Variants in LRP6 observed in about 807,000 individuals in gnomAD.
The protein encoded by LRP6 is low-density lipoprotein receptor-related protein 6.
In LRP6, 43 loss-of-function variants were observed where a neutral mutation model predicts 184.1. That is an observed-to-expected ratio of 0.23 (90% CI 0.18 to 0.30). The LOEUF (loss-of-function observed/expected upper bound fraction) is 0.30. Among genes scored for constraint, LRP6 ranks in the 10% least tolerant of loss-of-function variants. LRP6 has a pLI of 1.00. For missense variants in LRP6, 1,571 were observed against 2,005.3 expected (o/e 0.78, Z 4.14); for synonymous variants, 719 against 684.9 (o/e 1.05, Z -0.78).
intron 15 of LRP6, among the ~76,000 whole-genome samples, chr12:12,143,873 A>C (rs931097822): frequency 1.3e-5 from 2 of 152,216 alleles, no homozygotes; most frequent in Non-Finnish European, 2.9e-5. Flanking sequence ...AGTTTTTTTA[A>C]CATGGATATA....
In LRP6 at chr12:12,131,859, G is replaced by A. The variant is rs1395932062; in HGVS notation, c.3932C>T (p.Ala1311Val). 3.1e-6 allele frequency: 5 copies of A among 1,614,168 alleles called. No individual in the cohort carries two copies. Among genetic ancestry groups the A allele is most frequent in the Non-Finnish European group, 4.2e-6 (5 of 1,180,014 alleles). ...CTCATCTGATTTGTCCTGGCAGTTT[G>A]CATCTCCATTGCATCGGAGGGCACC... ...IDGALRCNGD[A>V]NCQDKSDEKN... The change falls in exon 18 of 23, where the codon GCA (alanine) becomes GTA (valine). Residue 1311 changes from alanine to valine, a missense_variant. Transcript: ENST00000261349.
At chr12:12,184,687 T>C (rs1863426993) in intron 4 of LRP6, among the ~76,000 whole-genome samples, 1 of 151,990 alleles carries the variant, frequency 6.6e-6, no homozygotes, top group Non-Finnish European at 1.5e-5. Context: ...TAAAGCTGAA[T>C]GAATACAAAG....
At chr12:12,242,120 CT>C (rs1865081674) in intron 2 of LRP6, among the ~76,000 whole-genome samples, 1 of 152,154 alleles carries the variant, frequency 6.6e-6, no homozygotes, top group Non-Finnish European at 1.5e-5. Context: ...TCATTAATCT[CT>C]TATAGAAATG....
chr12:12,200,519 T>G (rs1378426395), intron 3 of LRP6, among the ~76,000 whole-genome samples: 1 of 152,178 alleles, frequency 6.6e-6, no homozygotes, highest in Non-Finnish European at 1.5e-5. Flanking sequence ...CTTTTTTGTT[T>G]TCACTTCAAC....
chr12:12,231,136 G>A (rs777763937), intron 2 of LRP6, among the ~76,000 whole-genome samples: 2 of 120,674 alleles, frequency 1.7e-5, no homozygotes, highest in Non-Finnish European at 3.2e-5. Context: ...AGCCGAGATC[G>A]TGACACTACA....
At chr12:12,144,455 G>A (rs1949974748) in intron 15 of LRP6, among the ~76,000 whole-genome samples, 1 of 152,174 alleles carries the variant, frequency 6.6e-6, no homozygotes, top group Non-Finnish European at 1.5e-5. Flanking sequence ...ACTAGCCTCA[G>A]CAACACAGCA....
intron 3 of LRP6, among the ~76,000 whole-genome samples, chr12:12,201,282 C>T (rs1863907841): frequency 1.3e-5 from 2 of 152,066 alleles, no homozygotes; most frequent in South Asian, 2.1e-4. Flanking sequence ...GTGCTCTGTC[C>T]TGGATGAGCA....
At chr12:12,138,686 C>T in intron 15 of LRP6, 152 bp from the exon 16 acceptor site, 1 of 1,324,858 alleles carries the variant, frequency 7.5e-7, no homozygotes, top group Non-Finnish European at 1.0e-6. Flanking sequence ...CATGGTAAGA[C>T]ATACACTAGA....
intron 9 of LRP6, among the ~76,000 whole-genome samples, chr12:12,162,914 C>T (rs1301389388): frequency 1.3e-5 from 2 of 152,074 alleles, no homozygotes; most frequent in African/African-American, 2.4e-5. Context: ...AAGTATTATC[C>T]TAAGTACGTT....
chr12:12,210,753 A>G (rs1182919189), intron 2 of LRP6: 1 of 152,238 alleles, frequency 6.6e-6, no homozygotes, highest in Non-Finnish European at 1.5e-5. Flanking sequence ...AATCACATAC[A>G]TCATTATCAA....
intron 12 of LRP6, among the ~76,000 whole-genome samples, chr12:12,156,889 A>G (rs1023722536): frequency 2.0e-5 from 3 of 152,154 alleles, no homozygotes; most frequent in African/African-American, 7.2e-5. Flanking sequence ...GAGTTAGCCC[A>G]CTGATGGGGG....
intron 15 of LRP6, among the ~76,000 whole-genome samples, chr12:12,144,934 G>A (rs1266947878): frequency 1.3e-5 from 2 of 151,364 alleles, no homozygotes; most frequent in East Asian, 1.9e-4. Context: ...GCTAGGGGAG[G>A]GATAGCATTA....
chr12:12,264,419 T>C (rs143368612), intron 1 of LRP6, among the ~76,000 whole-genome samples: 7 of 152,300 alleles, frequency 4.6e-5, no homozygotes, highest in African/African-American at 1.4e-4. Context: ...GATTTTAGTA[T>C]TGAAATTCCC....
At chr12:12,156,001 G>T (rs753606155) in intron 12 of LRP6, among the ~76,000 whole-genome samples, 10 of 152,008 alleles carry the variant, frequency 6.6e-5, no homozygotes, top group Non-Finnish European at 1.0e-4. Context: ...AAAAAAAATT[G>T]TTGCTTCATG....
intron 1 of LRP6, among the ~76,000 whole-genome samples, chr12:12,265,573 G>A (rs1315682812): frequency 2.6e-5 from 4 of 152,124 alleles, no homozygotes; most frequent in Admixed American, 6.6e-5. Context: ...AATCTCCAGC[G>A]ACCAGCGGTC....
chr12:12,194,294 T>C (rs928445400), intron 3 of LRP6, among the ~76,000 whole-genome samples: 30 of 151,788 alleles, frequency 2.0e-4, no homozygotes, highest in Non-Finnish European at 3.8e-4. Context: ...GAGAAAAACA[T>C]ACAAAACAAA....
chr12:12,175,747 A>C (rs1360479516), intron 7 of LRP6, among the ~76,000 whole-genome samples: 2 of 150,496 alleles, frequency 1.3e-5, no homozygotes, highest in Non-Finnish European at 3.0e-5. Flanking sequence ...AATAAATAGA[A>C]AAAGAAAAAA....
intron 15 of LRP6, among the ~76,000 whole-genome samples, chr12:12,140,823 T>C (rs1196635314): frequency 2.0e-5 from 3 of 152,012 alleles, no homozygotes; most frequent in Admixed American, 6.5e-5. Flanking sequence ...AGGCTGGCCT[T>C]GAACTCCTGA....
intron 3 of LRP6, among the ~76,000 whole-genome samples, chr12:12,194,685 G>A (rs911524643): frequency 1.3e-5 from 2 of 151,996 alleles, no homozygotes; most frequent in African/African-American, 4.8e-5. Flanking sequence ...ATCAGCTCAG[G>A]GTAATCAGCA....
Sources: gnomAD v4.1 joint callset for allele counts (sites outside exome capture counted in the v4.1 genomes callset) on GRCh38, gnomAD v4.1.1 for gene constraint, MANE v1.5 for transcripts, NCBI Gene and HGNC (gene_info 2026-07-23, HGNC 2026-07-21) for gene names.